AUTS2: variants seen among roughly 807,000 people sequenced by gnomAD.
The protein encoded by AUTS2 is activator of transcription and developmental regulator AUTS2.
A neutral mutation model predicts 112.4 loss-of-function variants in AUTS2; 17 were observed. The observed-to-expected ratio is 0.15, with a 90% CI of 0.10 to 0.23. The LOEUF is 0.23. Ranked by LOEUF, AUTS2 falls within the 10% of genes least tolerant of loss-of-function variation. AUTS2 has a pLI of 1.00. For synonymous variants in AUTS2, 751 were observed against 702.7 expected, an observed-to-expected ratio of 1.07 and a Z score of -1.09; for missense variants, 1,510 against 1,701.6, an observed-to-expected ratio of 0.89 and a Z score of 1.98.
chr7:70,646,918 T>C (rs2129541297), intron 5 of AUTS2, among the ~76,000 whole-genome samples: 1 of 152,332 alleles, frequency 6.6e-6, no homozygotes, highest in South Asian at 2.1e-4. Context: ...TTGGATGCTG[T>C]TCTGCTCTGG....
chr7:69,960,901 C>T (rs1359548082), intron 2 of AUTS2, among the ~76,000 whole-genome samples: 2 of 152,036 alleles, frequency 1.3e-5, no homozygotes, highest in African/African-American at 2.4e-5. Flanking sequence ...TATTGATTTG[C>T]ACTTTTGGGA....
chr7:69,643,584 A>T (rs920093003), intron 1 of AUTS2, among the ~76,000 whole-genome samples: 4 of 152,106 alleles, frequency 2.6e-5, no homozygotes, highest in Non-Finnish European at 2.9e-5. Flanking sequence ...GTCCCCAGAT[A>T]CTGATGAGGG....
chr7:69,666,606 G>A (rs1796056870), intron 1 of AUTS2, among the ~76,000 whole-genome samples: 1 of 152,122 alleles, frequency 6.6e-6, no homozygotes, highest in African/African-American at 2.4e-5. Flanking sequence ...CATGCGTATG[G>A]TTCCTGTCCT....
At chr7:69,700,034 G>A (rs1372883333) in intron 1 of AUTS2, among the ~76,000 whole-genome samples, 1 of 152,178 alleles carries the variant, frequency 6.6e-6, no homozygotes, top group Non-Finnish European at 1.5e-5. Context: ...TTGTAATTTT[G>A]ATAGTCACTG....
chr7:69,634,143 G>A (rs1256806304), intron 1 of AUTS2, among the ~76,000 whole-genome samples: 6 of 150,084 alleles, frequency 4.0e-5, no homozygotes, highest in Admixed American at 2.0e-4. Flanking sequence ...TTTTTGAGAC[G>A]GAGTCTCGCT....
In AUTS2 at chr7:70,605,546, C is replaced by CTTTTTTTTTTTTTTT; in HGVS notation, c.691-93017_691-93003dup. On this transcript the variant is annotated intron_variant, in intron 5 of 18. Transcript: ENST00000342771. The stretch of plus-strand genomic sequence containing the variant: ...TTTCTTTCTTTCTTTCCTTCTTTCT[C>CTTTTTTTTTTTTTTT]TTTTTTTTTTTTTTTTTTTTGGTCT... Among the ~76,000 whole-genome samples, 39 of 70,658 alleles carry CTTTTTTTTTTTTTTT rather than the reference C, an allele frequency of 5.5e-4. 1 individual carries two copies. The highest frequency in any genetic ancestry group is 1.3e-3 in the African/African-American group (20 of 15,138). 46.4% of individuals were successfully genotyped at this position (70,658 alleles called of 152,430 possible).
intron 2 of AUTS2, among the ~76,000 whole-genome samples, chr7:70,003,853 T>C (rs1233402748): frequency 3.3e-5 from 3 of 91,430 alleles, no homozygotes. Flanking sequence ...GTGTTATATA[T>C]GAATATATAT....
At chr7:70,516,174 G>A (rs185568507) in intron 5 of AUTS2, among the ~76,000 whole-genome samples, 3 of 152,250 alleles carry the variant, frequency 2.0e-5, no homozygotes, top group South Asian at 2.1e-4. Context: ...AATGTATGTC[G>A]TAGGGGTTAG....
chr7:69,804,244 A>G (rs1790206447), intron 1 of AUTS2, among the ~76,000 whole-genome samples: 2 of 152,204 alleles, frequency 1.3e-5, no homozygotes, highest in African/African-American at 2.4e-5. Context: ...GTGTGAAACC[A>G]TAACACACAT....
Position 69,987,486 on chromosome 7 carries a change from A to T in AUTS2, c.522+87988A>T, listed in dbSNP as rs546355865. Among the ~76,000 whole-genome samples, 55 of 152,162 alleles carry T rather than the reference A, an allele frequency of 3.6e-4. 2 individuals are homozygous for T. The South Asian group carries it at 8.7e-3, about 24-fold the overall frequency. On this transcript the variant is annotated intron_variant, in intron 2 of 18. Transcript: ENST00000342771. ...CCTTTCTTGTTCTTTTTGCTTTCTG[A>T]TAGGGTCTTGCTATATTTCCCAGGC... is the stretch of plus-strand genomic sequence containing the variant.
intron 1 of AUTS2, among the ~76,000 whole-genome samples, chr7:69,746,154 G>T (rs1234721559): frequency 6.6e-6 from 1 of 152,084 alleles, no homozygotes. Flanking sequence ...GGATTATAGG[G>T]CATGAATCAC....
chr7:70,532,338 A>G (rs747324688), intron 5 of AUTS2, among the ~76,000 whole-genome samples: 8 of 152,166 alleles, frequency 5.3e-5, no homozygotes, highest in African/African-American at 1.7e-4. Context: ...CAAAGAAGAG[A>G]GGTTTCCTTC....
intron 1 of AUTS2, among the ~76,000 whole-genome samples, chr7:69,610,576 C>T (rs939376587): frequency 2.6e-5 from 4 of 152,140 alleles, no homozygotes; most frequent in African/African-American, 9.7e-5. Flanking sequence ...TGCTCTGTTC[C>T]CCGTGCTCCT....
intron 5 of AUTS2, among the ~76,000 whole-genome samples, chr7:70,548,384 A>G (rs1800876427): frequency 6.6e-6 from 1 of 152,104 alleles, no homozygotes. Flanking sequence ...TCATATCCGT[A>G]ATGCTGACTT....
intron 4 of AUTS2, among the ~76,000 whole-genome samples, chr7:70,352,887 C>G (rs1791831877): frequency 6.6e-6 from 1 of 152,098 alleles, no homozygotes; most frequent in African/African-American, 2.4e-5. Context: ...ATTTAACCAA[C>G]AAGAATGACA....
chr7:70,585,519 C>G (rs912896440), intron 5 of AUTS2, among the ~76,000 whole-genome samples: 3 of 152,174 alleles, frequency 2.0e-5, no homozygotes, highest in South Asian at 2.1e-4. Flanking sequence ...TCAGATGTTG[C>G]AACGTAAGAG....
At chr7:70,534,583 T>G (rs552825662) in intron 5 of AUTS2, among the ~76,000 whole-genome samples, 1 of 152,128 alleles carries the variant, frequency 6.6e-6, no homozygotes, top group Non-Finnish European at 1.5e-5. Flanking sequence ...TGTGCCACTA[T>G]GCCCAGCTAA....
chr7:70,246,664 AT>A (rs929349927), intron 4 of AUTS2, among the ~76,000 whole-genome samples: 1 of 151,878 alleles, frequency 6.6e-6, no homozygotes, highest in African/African-American at 2.4e-5. Flanking sequence ...TCAGGTACAC[AT>A]TGGTGACTCT....
At chr7:70,171,908 G>GGGGT (rs1808717573) in intron 4 of AUTS2, among the ~76,000 whole-genome samples, 2 of 151,274 alleles carry the variant, frequency 1.3e-5, no homozygotes, top group African/African-American at 4.9e-5. Context: ...TTTTTTTTGG[G>GGGGT]GGGGGGTAGT....
Sources: gnomAD v4.1 joint callset for allele counts (sites outside exome capture counted in the v4.1 genomes callset) on GRCh38, gnomAD v4.1.1 for gene constraint, MANE v1.5 for transcripts, NCBI Gene and HGNC (gene_info 2026-07-23, HGNC 2026-07-21) for gene names.